The following CIT variants were observed in gnomAD, a reference collection of about 807,000 sequenced individuals.
CIT encodes citron Rho-interacting kinase.
Under a neutral mutation model 272.7 loss-of-function variants are expected in CIT, and 79 were observed. That is an observed-to-expected ratio of 0.29 (90% confidence interval 0.24 to 0.35). The LOEUF is 0.35. Ranked by LOEUF, CIT falls within the 10% of genes least tolerant of loss-of-function variation. The pLI is 1.00. For missense variants in CIT, 1,909 were observed against 2,618.3 expected (o/e 0.73, Z 5.91); for synonymous variants, 948 against 995.6 (o/e 0.95, Z 0.90).
At chr12:119,850,310 A>G (rs776689044) in intron 4 of CIT, 35 bp from the exon 5 acceptor site, 3 of 1,354,354 alleles carry the variant, frequency 2.2e-6, no homozygotes, top group East Asian at 4.6e-5. Context: ...ACAATTATAA[A>G]GAACTGTGAG....
At position 119,686,968 on chromosome 12, in the gene CIT, CG is replaced by C. The variant is rs1955616186; in HGVS notation, c.*1263del. The C allele has an allele frequency of 6.6e-6, 1 of 152,626 alleles. No homozygotes were observed. The highest frequency in any genetic ancestry group is 2.1e-4 in the South Asian group (1 of 4,828). The allele number at this position is 152,626 out of a possible 1,614,324, so 9.5% of individuals were successfully genotyped here. A position where few individuals can be genotyped will look rare whatever the true frequency, so the allele number is the denominator to read the frequency against. ...AAGTCACAGTTTCGTGGGGTAGAAC[CG>C]CGCTGGATTGGGTGTGAACAGAGTC... On this transcript the variant is annotated 3_prime_UTR_variant, in exon 48 of 48. Coordinates refer to ENST00000392521, the MANE Select transcript of CIT (RefSeq NM_001206999.2).
intron 41 of CIT, 127 bp from the exon 42 acceptor site, chr12:119,702,085 C>G (rs941825657): frequency 1.6e-5 from 11 of 687,320 alleles, no homozygotes; most frequent in Non-Finnish European, 2.8e-5. Context: ...AGCTTGTTCA[C>G]GTTGTCATAG....
At chr12:119,823,768 AGT>A (rs1013921032) in intron 8 of CIT, among the ~76,000 whole-genome samples, 7 of 152,142 alleles carry the variant, frequency 4.6e-5, no homozygotes, top group Non-Finnish European at 7.4e-5. Flanking sequence ...GGCTAGGCAC[AGT>A]GGCTCATGCC....
In CIT at chr12:119,869,106, CTG is replaced by C; in HGVS notation, c.190_191del (p.Gln64AlafsTer7). ...CGTGCTTAATCTTCATCAGAGCAGGCTGACTGCATTCTTCAAAGAGAACAAAG... is the reference window on the plus strand; with the variant it reads ...CGTGCTTAATCTTCATCAGAGCAGGCACTGCATTCTTCAAAGAGAACAAAG... The part of the protein sequence containing the change: ...ALFVLFEECS[Q>X]PALMKIKHVS... On this transcript the variant is annotated frameshift_variant, in exon 3 of 48. Transcript: ENST00000392521. LOFTEE classifies it high-confidence loss of function. 1 of 1,612,874 alleles carries C rather than the reference CTG, an allele frequency of 6.2e-7. No homozygotes were observed. Among genetic ancestry groups the C allele is most frequent in the Non-Finnish European group, 8.5e-7 (1 of 1,179,670 alleles).
At chr12:119,725,072 G>A (rs879280257) in intron 28 of CIT, among the ~76,000 whole-genome samples, 3 of 151,696 alleles carry the variant, frequency 2.0e-5, no homozygotes, top group Non-Finnish European at 4.4e-5. Context: ...TGGAAATTCA[G>A]ACTGGATGAT....
intron 26 of CIT, among the ~76,000 whole-genome samples, chr12:119,731,166 G>A (rs1253847570): frequency 1.3e-5 from 2 of 150,776 alleles, no homozygotes; most frequent in African/African-American, 4.9e-5. Context: ...AATGTTTTTG[G>A]GTACTCATCA....
intron 18 of CIT, among the ~76,000 whole-genome samples, chr12:119,767,928 T>C (rs1962641863): frequency 1.3e-5 from 2 of 151,958 alleles, no homozygotes; most frequent in Non-Finnish European, 2.9e-5. Context: ...TTTTTTTTTT[T>C]TAGACGGATT....
chr12:119,777,664 C>T (rs1389317902), intron 13 of CIT, among the ~76,000 whole-genome samples: 25 of 143,544 alleles, frequency 1.7e-4, no homozygotes, highest in Non-Finnish European at 3.8e-4. Context: ...AGCAAGACTC[C>T]GTCTCAAAAA....
chr12:119,695,639 T>C (rs899881866), intron 46 of CIT, among the ~76,000 whole-genome samples: 23 of 152,004 alleles, frequency 1.5e-4, no homozygotes, highest in African/African-American at 5.6e-4. Flanking sequence ...CTACAAAAAA[T>C]ACAAAAATTA....
chr12:119,728,715 G>T lies in CIT; in HGVS notation c.3487-109C>A, dbSNP rs1056072640. 1.3e-6 allele frequency: 1 copy of T among 766,068 alleles called. No individual in the cohort carries two copies. Among genetic ancestry groups the T allele is most frequent in the Non-Finnish European group, 2.1e-6 (1 of 465,882 alleles). The allele number at this position is 766,068 out of a possible 1,614,324, so 47.5% of individuals were successfully genotyped here. On this transcript the variant is annotated intron_variant, in intron 27 of 47. Transcript: ENST00000392521. The surrounding 1 kb of genome is among the most constrained non-coding windows in gnomAD (Gnocchi z 4.3). ...CGGAGAAAGAATATTGAGTTCTAAAGGTCAGAACGTAAAGGTTGCTTTTTT... is the reference window on the plus strand; with the variant it reads ...CGGAGAAAGAATATTGAGTTCTAAATGTCAGAACGTAAAGGTTGCTTTTTT...
chr12:119,869,637 GTAA>G (rs1167724642), intron 2 of CIT, among the ~76,000 whole-genome samples: 1 of 152,128 alleles, frequency 6.6e-6, no homozygotes, highest in East Asian at 1.9e-4. Context: ...ACAACCTAGA[GTAA>G]TAAGAACTGA....
At chr12:119,747,924 G>A (rs995148456) in intron 23 of CIT, among the ~76,000 whole-genome samples, 9 of 152,178 alleles carry the variant, frequency 5.9e-5, no homozygotes, top group Non-Finnish European at 1.0e-4. Context: ...AGCACTTTGA[G>A]AGACCAAGGC....
Position 119,687,254 on chromosome 12 carries a change from C to T in CIT, c.*978G>A, listed in dbSNP as rs1955630074. The stretch of plus-strand genomic sequence containing the variant: ...ATGCAGTGAACTGCCATGCAGAACT[C>T]CCGACGGGCCTCTTCCCCATCCCAG... On this transcript the variant is annotated 3_prime_UTR_variant, in exon 48 of 48. Coordinates refer to ENST00000392521, the MANE Select transcript of CIT (RefSeq NM_001206999.2). 6.6e-6 allele frequency: 1 copy of T among 152,522 alleles called. No individual in the cohort carries two copies. Among genetic ancestry groups the T allele is most frequent in the South Asian group, 2.1e-4 (1 of 4,820 alleles). 9.4% of individuals were successfully genotyped at this position (152,522 alleles called of 1,614,324 possible).
intron 46 of CIT, among the ~76,000 whole-genome samples, chr12:119,693,802 T>C (rs1956081671): frequency 6.6e-6 from 1 of 152,240 alleles, no homozygotes; most frequent in Non-Finnish European, 1.5e-5. Flanking sequence ...GAGAGATTAT[T>C]CATTAGGACA....
At chr12:119,818,354 C>T (rs1353834203) in intron 9 of CIT, among the ~76,000 whole-genome samples, 1 of 152,150 alleles carries the variant, frequency 6.6e-6, no homozygotes, top group African/African-American at 2.4e-5. Context: ...TATTTCTACA[C>T]ACAAAAATTT....
intron 40 of CIT, among the ~76,000 whole-genome samples, chr12:119,706,811 G>T (rs551621074): frequency 6.6e-6 from 1 of 152,310 alleles, no homozygotes; most frequent in African/African-American, 2.4e-5. Flanking sequence ...CCAGTAATGG[G>T]ATTGCTGGGT....
intron 19 of CIT, 66 bp from the exon 20 acceptor site, chr12:119,761,121 GAC>G (rs1179163033): frequency 4.4e-6 from 5 of 1,132,742 alleles, no homozygotes; most frequent in Non-Finnish European, 6.7e-6. Context: ...ACTAAACGGG[GAC>G]ACTTGAGAAA....
In CIT at chr12:119,712,718, G is replaced by C. The variant is rs1326915652; in HGVS notation, c.4580-23C>G. The C allele has an allele frequency of 6.3e-7, 1 of 1,592,364 alleles. No individual in the cohort carries two copies. Among genetic ancestry groups the C allele is most frequent in the South Asian group, 1.1e-5 (1 of 90,472 alleles). ...CAGCTTGGTGCAAAGAGGAAGGGCAGAAAGAAAAACAAAAGAACAGGAACA... is the reference window on the plus strand; with the variant it reads ...CAGCTTGGTGCAAAGAGGAAGGGCACAAAGAAAAACAAAAGAACAGGAACA... On this transcript the variant is annotated intron_variant, in intron 35 of 47. Coordinates refer to ENST00000392521, the MANE Select transcript of CIT (RefSeq NM_001206999.2). The surrounding 1 kb of genome is among the most constrained non-coding windows in gnomAD (Gnocchi z 5.2).
In CIT at chr12:119,730,479, A is replaced by G; in HGVS notation, c.3486+16T>C. The G allele has an allele frequency of 6.4e-7, 1 of 1,559,924 alleles. No individual in the cohort carries two copies. The highest frequency in any genetic ancestry group is 1.2e-5 in the South Asian group (1 of 86,046). Reference sequence around the variant, plus strand: ...CGAAAATGTTTTCCTAAAAAGCAGAAGGGGTGGGCGCTGACCTTGTCAGAG... The same window carrying G: ...CGAAAATGTTTTCCTAAAAAGCAGAGGGGGTGGGCGCTGACCTTGTCAGAG... On this transcript the variant is annotated intron_variant, in intron 27 of 47. Transcript: ENST00000392521.
Sources: allele counts gnomAD v4.1 joint callset (sites outside exome capture counted in the v4.1 genomes callset), GRCh38; gene constraint gnomAD v4.1.1; non-coding constraint Gnocchi (gnomAD v3.1); transcripts MANE v1.5; gene names NCBI Gene and HGNC (gene_info 2026-07-23, HGNC 2026-07-21).